TMCC1: variants seen among roughly 807,000 people sequenced by gnomAD.
The protein encoded by TMCC1 is transmembrane and coiled-coil domains protein 1.
A neutral mutation model predicts 52.4 loss-of-function variants in TMCC1; 15 were observed. The ratio of observed to expected loss-of-function variants is 0.29; its 90% CI spans 0.19 to 0.44. The LOEUF (loss-of-function observed/expected upper bound fraction) is 0.44. Among genes scored for constraint, TMCC1 ranks in the 20% least tolerant of loss-of-function variants. The probability of loss-of-function intolerance (pLI) is 1.00; values close to 1 mark genes in which losing one functional copy is unlikely to be tolerated. For missense variants in TMCC1, 503 were observed against 806.0 expected (o/e 0.62, Z 4.55); for synonymous variants, 279 against 301.9 (o/e 0.92, Z 0.79).
At chr3:129,699,557 T>G (rs925392136) in intron 4 of TMCC1, among the ~76,000 whole-genome samples, 2 of 152,068 alleles carry the variant, frequency 1.3e-5, no homozygotes, top group African/African-American at 2.4e-5. Flanking sequence ...CTGCTGTCTA[T>G]GGAGCGGCTA....
At position 129,670,474 on chromosome 3, in the gene TMCC1, C is replaced by G. The variant is rs2087836140; in HGVS notation, c.1367G>C (p.Ser456Thr). 1.9e-6 allele frequency: 3 copies of G among 1,614,060 alleles called. No homozygotes were observed. The highest frequency in any genetic ancestry group is 1.3e-5 in the African/African-American group (1 of 74,924). Residue 456 changes from serine (S) to threonine (T), a missense_variant, in exon 5 of 7, where the codon AGC (serine) becomes ACC (threonine). By Grantham distance (58) the Ser-to-Thr change is moderately conservative. This residue lies in a region of TMCC1 where 121 missense variants were observed against 193.6 expected (regional missense o/e 0.62). Coordinates refer to ENST00000393238, the MANE Select transcript of TMCC1 (RefSeq NM_001017395.5). ...ATGTAGTAGTGCATCAAATCCTGAGCTCTGCATGTCCAGGGTGTTTGTTTT... is the reference window on the plus strand; with the variant it reads ...ATGTAGTAGTGCATCAAATCCTGAGGTCTGCATGTCCAGGGTGTTTGTTTT... ...SSKTNTLDMQ[S>T]SGFDALLHEI...
intron 4 of TMCC1, among the ~76,000 whole-genome samples, chr3:129,822,712 T>C (rs2058478064): frequency 6.6e-6 from 1 of 152,222 alleles, no homozygotes; most frequent in African/African-American, 2.4e-5. Context: ...GATCTGGTCC[T>C]GGTATCACTC....
chr3:129,788,313 A>G, intron 4 of TMCC1, among the ~76,000 whole-genome samples: 1 of 152,310 alleles, frequency 6.6e-6, no homozygotes, highest in East Asian at 1.9e-4. Context: ...AATGGCATCA[A>G]TATCATGAAA....
At chr3:129,735,882 G>A (rs2050918822) in intron 4 of TMCC1, among the ~76,000 whole-genome samples, 1 of 152,180 alleles carries the variant, frequency 6.6e-6, no homozygotes, top group South Asian at 2.1e-4. Flanking sequence ...CAGCCTGGCA[G>A]TGATTTCGTT....
In TMCC1 at chr3:129,882,929, T is replaced by C. The variant is rs530940713; in HGVS notation, c.-434-2370A>G. Among the ~76,000 whole-genome samples the C allele has an allele frequency of 2.6e-5, 4 of 152,080 alleles. No individual in the cohort carries two copies. In the East Asian group the frequency reaches 5.8e-4, roughly 22 times the overall value. ...TGCAAGATGAAAGGAGTAATGGAGATGGATGATAGTGATGGTTGCACAACA... is the reference window on the plus strand; with the variant it reads ...TGCAAGATGAAAGGAGTAATGGAGACGGATGATAGTGATGGTTGCACAACA... On this transcript the variant is annotated intron_variant, in intron 1 of 6. Coordinates refer to ENST00000393238, the MANE Select transcript of TMCC1 (RefSeq NM_001017395.5).
intron 2 of TMCC1, among the ~76,000 whole-genome samples, chr3:129,853,378 C>CTAA (rs1412407665): frequency 6.6e-6 from 1 of 151,914 alleles, no homozygotes; most frequent in Admixed American, 6.6e-5. Flanking sequence ...TAATTCCAGC[C>CTAA]CTTTAGAAGG....
intron 4 of TMCC1, among the ~76,000 whole-genome samples, chr3:129,683,758 G>A (rs1344932363): frequency 6.6e-6 from 1 of 151,264 alleles, no homozygotes. Flanking sequence ...CCTACCTTTT[G>A]GAGTCCCCAG....
At chr3:129,818,903 T>C (rs749333511) in intron 4 of TMCC1, 4 of 152,784 alleles carry the variant, frequency 2.6e-5, no homozygotes, top group Middle Eastern at 3.4e-3. Context: ...GGTTAATCTC[T>C]AACACCAATT....
chr3:129,700,350 C>G (rs947351516), intron 4 of TMCC1, among the ~76,000 whole-genome samples: 1 of 152,068 alleles, frequency 6.6e-6, no homozygotes, highest in Non-Finnish European at 1.5e-5. Context: ...ATATTTTTTC[C>G]TCAGTAATAC....
In TMCC1 at chr3:129,818,057, A is replaced by G. The variant is rs1390732478; in HGVS notation, c.576+9746T>C. 4.6e-5 allele frequency among the ~76,000 whole-genome samples: 7 copies of G among 151,792 alleles called. 1 individual carries two copies. Among genetic ancestry groups the G allele is most frequent in the Admixed American group, 4.6e-4 (7 of 15,230 alleles). On this transcript the variant is annotated intron_variant, in intron 4 of 6. Coordinates refer to ENST00000393238, the MANE Select transcript of TMCC1 (RefSeq NM_001017395.5). ...ACTCCTGACCTCAGGTGATCCACCC[A>G]CCTCGGCCTCCCAAAGTGCTGGGAT...
intron 2 of TMCC1, among the ~76,000 whole-genome samples, chr3:129,835,429 C>T (rs1341207187): frequency 2.6e-5 from 4 of 152,072 alleles, no homozygotes; most frequent in Non-Finnish European, 5.9e-5. Flanking sequence ...CCTAGCAACC[C>T]ATCACCAAGG....
intron 4 of TMCC1, among the ~76,000 whole-genome samples, chr3:129,676,907 A>G (rs928130739): frequency 6.6e-6 from 1 of 152,158 alleles, no homozygotes; most frequent in African/African-American, 2.4e-5. Context: ...ACCTTCTTCC[A>G]TCACTTAACC....
chr3:129,680,157 A>G (rs2108915812), intron 4 of TMCC1, among the ~76,000 whole-genome samples: 1 of 152,300 alleles, frequency 6.6e-6, no homozygotes, highest in East Asian at 1.9e-4. Flanking sequence ...ACATGTGTTA[A>G]ATGCCCAAAA....
intron 2 of TMCC1, among the ~76,000 whole-genome samples, chr3:129,850,570 C>T (rs574335714): frequency 2.0e-5 from 3 of 152,172 alleles, no homozygotes; most frequent in Non-Finnish European, 4.4e-5. Context: ...TCTCCCCAAG[C>T]AAGCTATACA....
At chr3:129,881,180 A>G (rs1338775454) in intron 1 of TMCC1, among the ~76,000 whole-genome samples, 1 of 152,172 alleles carries the variant, frequency 6.6e-6, no homozygotes, top group East Asian at 1.9e-4. Flanking sequence ...TTTTAAATTA[A>G]CATTAGTGAA....
chr3:129,719,437 T>C (rs1343281864), intron 4 of TMCC1, among the ~76,000 whole-genome samples: 1 of 152,170 alleles, frequency 6.6e-6, no homozygotes, highest in African/African-American at 2.4e-5. Flanking sequence ...TAAGCCACTC[T>C]AGCAAATTAA....
intron 4 of TMCC1, among the ~76,000 whole-genome samples, chr3:129,753,033 G>A (rs1380200297): frequency 6.6e-6 from 1 of 152,058 alleles, no homozygotes; most frequent in Non-Finnish European, 1.5e-5. Context: ...AACAGCAAAG[G>A]GAAAGTCTGC....
chr3:129,793,827 T>C (rs1248247294), intron 4 of TMCC1, among the ~76,000 whole-genome samples: 1 of 152,256 alleles, frequency 6.6e-6, no homozygotes, highest in Non-Finnish European at 1.5e-5. Context: ...ATATACTTCA[T>C]TAAGTATTCA....
intron 4 of TMCC1, among the ~76,000 whole-genome samples, chr3:129,761,377 C>T (rs1379440621): frequency 6.6e-6 from 1 of 151,346 alleles, no homozygotes; most frequent in Non-Finnish European, 1.5e-5. Flanking sequence ...CTGTTGATCC[C>T]TCCTCCTCTT....
Sources: gnomAD v4.1 joint callset for allele counts (sites outside exome capture counted in the v4.1 genomes callset) on GRCh38, gnomAD v4.1.1 for gene constraint, gnomAD v4.1.1 regional missense constraint, MANE v1.5 for transcripts, NCBI Gene and HGNC (gene_info 2026-07-23, HGNC 2026-07-21) for gene names.